The following ABCC1 variants were observed in gnomAD, a reference collection of about 807,000 sequenced individuals.
ABCC1 encodes the protein multidrug resistance-associated protein 1.
Under a neutral mutation model 172.9 loss-of-function variants are expected in ABCC1, and 83 were observed. That is an observed-to-expected ratio of 0.48 (90% confidence interval 0.40 to 0.58). ABCC1 has a LOEUF of 0.58. Ranked by LOEUF, ABCC1 falls within the 20% of genes least tolerant of loss-of-function variation. The pLI is 0.00. For missense variants in ABCC1, 1,817 were observed against 2,002.7 expected (o/e 0.91, Z 1.77); for synonymous variants, 937 against 825.2 (o/e 1.14, Z -2.32).
At chr16:16,029,954 A>G (rs547672471) in intron 5 of ABCC1, among the ~76,000 whole-genome samples, 5 of 152,246 alleles carry the variant, frequency 3.3e-5, no homozygotes, top group African/African-American at 1.2e-4. Flanking sequence ...TCATTCTTCT[A>G]TGATATCATT....
intron 12 of ABCC1, among the ~76,000 whole-genome samples, chr16:16,067,862 TG>T (rs1394849252): frequency 3.9e-5 from 6 of 152,148 alleles, no homozygotes; most frequent in Admixed American, 3.9e-4. Context: ...GGATTGTGCT[TG>T]GTGCTTTTGA....
intron 19 of ABCC1, among the ~76,000 whole-genome samples, chr16:16,093,228 A>G (rs1290536065): frequency 3.3e-5 from 5 of 151,876 alleles, no homozygotes; most frequent in East Asian, 1.9e-4. Context: ...TTGGCAGGCT[A>G]CTTTTAGGTG....
At chr16:16,131,691 C>T in intron 26 of ABCC1, 98 bp from the exon 27 acceptor site, 1 of 1,448,996 alleles carries the variant, frequency 6.9e-7, no homozygotes. Flanking sequence ...GGGAGGCCAC[C>T]TTGGGCAGCA....
At chr16:16,059,237 G>A (rs1355984585) in intron 12 of ABCC1, among the ~76,000 whole-genome samples, 2 of 152,180 alleles carry the variant, frequency 1.3e-5, no homozygotes, top group African/African-American at 4.8e-5. Flanking sequence ...TAGTTCTCTA[G>A]GTGGTGTGTA....
intron 16 of ABCC1, among the ~76,000 whole-genome samples, chr16:16,079,844 G>C (rs985876903): frequency 9.4e-5 from 14 of 149,202 alleles, no homozygotes; most frequent in Admixed American, 8.7e-4. Flanking sequence ...GACAGGGTCA[G>C]GCTCTGTCCC....
chr16:15,970,882 A>G (rs1367553215), intron 1 of ABCC1, among the ~76,000 whole-genome samples: 1 of 152,220 alleles, frequency 6.6e-6, no homozygotes, highest in Non-Finnish European at 1.5e-5. Context: ...GGTGTGAGCC[A>G]TTATACCTGG....
intron 10 of ABCC1, among the ~76,000 whole-genome samples, chr16:16,049,527 A>G (rs546769959): frequency 6.6e-6 from 1 of 152,228 alleles, no homozygotes; most frequent in South Asian, 2.1e-4. Context: ...CTTCTTCCTA[A>G]TTGATGAAAG....
chr16:15,989,316 C>T (rs2046808759), intron 1 of ABCC1, among the ~76,000 whole-genome samples: 1 of 152,130 alleles, frequency 6.6e-6, no homozygotes, highest in South Asian at 2.1e-4. Context: ...GCGTCACTGC[C>T]CACGCGATGC....
intron 23 of ABCC1, among the ~76,000 whole-genome samples, chr16:16,115,331 C>G (rs1375651996): frequency 6.6e-6 from 1 of 152,162 alleles, no homozygotes; most frequent in East Asian, 1.9e-4. Context: ...AAACCTATCA[C>G]TATAAAGACA....
rs745818054 is a variant in ABCC1 at position 16,124,933 on chromosome 16, T to C, written c.3717+18T>C. 6 of 1,614,170 alleles carry C rather than the reference T, an allele frequency of 3.7e-6. No individual in the cohort carries two copies. Among genetic ancestry groups the C allele is most frequent in the Non-Finnish European group, 5.1e-6 (6 of 1,180,032 alleles). On this transcript the variant is annotated intron_variant, in intron 25 of 30. Transcript: ENST00000399410. ...CATTGCAGGTAAGAGGGGATGCTCTTGGCTGGATTATTAAAGTCTGTTAAT... is the reference window on the plus strand; with the variant it reads ...CATTGCAGGTAAGAGGGGATGCTCTCGGCTGGATTATTAAAGTCTGTTAAT...
intron 10 of ABCC1, among the ~76,000 whole-genome samples, chr16:16,049,901 C>G (rs1334314034): frequency 1.3e-5 from 2 of 151,918 alleles, no homozygotes; most frequent in Non-Finnish European, 2.9e-5. Context: ...ATCATGTTGG[C>G]TAGGCTGATC....
At chr16:16,008,143 G>A (rs903460015) in intron 2 of ABCC1, 151 bp downstream of exon 2, 1 of 854,772 alleles carries the variant, frequency 1.2e-6, no homozygotes, top group African/African-American at 1.7e-5. Flanking sequence ...GGTGAAAACT[G>A]GAGCTCTGGA....
intron 20 of ABCC1, among the ~76,000 whole-genome samples, chr16:16,103,960 C>T (rs537095974): frequency 1.3e-5 from 2 of 152,190 alleles, no homozygotes; most frequent in African/African-American, 4.8e-5. Flanking sequence ...TTTCTTCCTT[C>T]TGGTGGGTTC....
chr16:16,096,070 C>T (rs2051463080), intron 19 of ABCC1, among the ~76,000 whole-genome samples: 1 of 152,038 alleles, frequency 6.6e-6, no homozygotes, highest in Non-Finnish European at 1.5e-5. Context: ...AGTTCGAGAC[C>T]AGCCTCGCCA....
chr16:16,036,498 C>G lies in ABCC1; in HGVS notation c.704C>G (p.Pro235Arg), dbSNP rs1454715813. The change falls in exon 7 of 31, where the codon CCC (proline) becomes CGC (arginine). Residue 235 changes from proline (P) to arginine (R), a missense_variant. Pro to Arg is a moderately radical substitution (Grantham distance 103). Coordinates refer to ENST00000399410, the MANE Select transcript of ABCC1 (RefSeq NM_004996.4). ...TTGATTGTCCGGGGCTACCGCCAGC[C>G]CCTGGAGGGCAGTGACCTCTGGTCC... ...TGLIVRGYRQPLEGSDLWSLN... is the reference protein window; with the variant it reads ...TGLIVRGYRQRLEGSDLWSLN... The G allele has an allele frequency of 6.2e-7, 1 of 1,613,866 alleles. No homozygotes were observed.
intron 30 of ABCC1, 56 bp downstream of exon 30, chr16:16,138,614 C>A: frequency 7.2e-7 from 1 of 1,392,194 alleles, no homozygotes; most frequent in Non-Finnish European, 9.6e-7. Flanking sequence ...TACTCACTGG[C>A]TCACTCATTA....
chr16:16,079,931 C>T (rs1303470482), intron 16 of ABCC1, among the ~76,000 whole-genome samples: 1 of 151,776 alleles, frequency 6.6e-6, no homozygotes, highest in Non-Finnish European at 1.5e-5. Flanking sequence ...CTCCCTCAGC[C>T]TCCCGAGTAG....
At chr16:15,951,237 TGAGGA>T (rs948718084) in intron 1 of ABCC1, among the ~76,000 whole-genome samples, 4 of 152,138 alleles carry the variant, frequency 2.6e-5, no homozygotes, top group Non-Finnish European at 5.9e-5. Flanking sequence ...TCTTCTGAAT[TGAGGA>T]GGGGGCAAAA....
At chr16:15,982,849 C>A (rs1172592992) in intron 1 of ABCC1, among the ~76,000 whole-genome samples, 2 of 136,550 alleles carry the variant, frequency 1.5e-5, no homozygotes, top group Non-Finnish European at 3.1e-5. Context: ...AGCCTGTGTG[C>A]TGTACAAAAG....
Sources: gnomAD v4.1 joint callset for allele counts (sites outside exome capture counted in the v4.1 genomes callset) on GRCh38, gnomAD v4.1.1 for gene constraint, MANE v1.5 for transcripts, NCBI Gene and HGNC (gene_info 2026-07-23, HGNC 2026-07-21) for gene names.